Variants in ZNF804B observed in about 807,000 individuals in gnomAD.
The protein encoded by ZNF804B is zinc finger 804B.
ZNF804B carries 80 observed loss-of-function variants against 101.4 expected under a neutral mutation model. The observed-to-expected ratio is 0.79, with a 90% CI of 0.66 to 0.95. The LOEUF is 0.95. Among genes scored for constraint, ZNF804B ranks in the 40% least tolerant of loss-of-function variants. The probability of loss-of-function intolerance (pLI) is 0.00; values close to 1 mark genes in which losing one functional copy is unlikely to be tolerated. For missense variants in ZNF804B, 1,673 were observed against 1,561.9 expected (o/e 1.07, Z -1.20); for synonymous variants, 622 against 558.8 (o/e 1.11, Z -1.59).
intron 1 of ZNF804B, among the ~76,000 whole-genome samples, chr7:88,930,809 T>C (rs1414935355): frequency 2.0e-5 from 3 of 151,898 alleles, no homozygotes; most frequent in Non-Finnish European, 4.4e-5. Flanking sequence ...CTTACCAACA[T>C]GCAGAATCAT....
chr7:88,970,946 T>TA lies in ZNF804B; in HGVS notation c.108+210863dup, dbSNP rs553662303. ...AACAAACCTGCATGTTGTGCACATG[T>TA]ACCCTAAAACTTAAAGTATAATAAT... On this transcript the variant is annotated intron_variant, in intron 1 of 3. Transcript: ENST00000333190. Among the ~76,000 whole-genome samples the TA allele has an allele frequency of 1.5e-4, 23 of 149,510 alleles. No homozygotes were observed. In the South Asian group the frequency reaches 4.6e-3, roughly 30 times the overall value.
At chr7:88,948,482 G>C (rs1365170487) in intron 1 of ZNF804B, among the ~76,000 whole-genome samples, 1 of 151,592 alleles carries the variant, frequency 6.6e-6, no homozygotes, top group Non-Finnish European at 1.5e-5. Context: ...CCTGGTAACT[G>C]ACCTAGATTT....
At chr7:88,798,928 T>G (rs765552901) in intron 1 of ZNF804B, among the ~76,000 whole-genome samples, 1 of 152,108 alleles carries the variant, frequency 6.6e-6, no homozygotes, top group African/African-American at 2.4e-5. Context: ...ATTTGTGTTA[T>G]TCTACCCAGA....
rs374898301 is a variant in ZNF804B, at chr7:89,216,643, C to T, written c.109-1512C>T. 2.0e-5 allele frequency among the ~76,000 whole-genome samples: 3 copies of T among 152,200 alleles called. No individual in the cohort carries two copies. In the South Asian group the frequency reaches 6.2e-4, roughly 32 times the overall value. Reference sequence around the variant, plus strand: ...GTGCTGTTAGTTAATGGTATCATTCCCTTCTTTCTTTTTGCCATGTGTTTT... The same window carrying T: ...GTGCTGTTAGTTAATGGTATCATTCTCTTCTTTCTTTTTGCCATGTGTTTT... On this transcript the variant is annotated intron_variant, in intron 1 of 3. Transcript: ENST00000333190.
chr7:89,300,870 G>A (rs1328292639), intron 2 of ZNF804B, among the ~76,000 whole-genome samples: 2 of 151,756 alleles, frequency 1.3e-5, no homozygotes, highest in African/African-American at 4.8e-5. Flanking sequence ...TAGAAGTGGA[G>A]GAGGGTGAAA....
chr7:89,017,809 T>A (rs1788594166), intron 1 of ZNF804B, among the ~76,000 whole-genome samples: 1 of 152,178 alleles, frequency 6.6e-6, no homozygotes, highest in Non-Finnish European at 1.5e-5. Flanking sequence ...AGTTTTTATT[T>A]CAGCTAGTTC....
intron 1 of ZNF804B, among the ~76,000 whole-genome samples, chr7:88,958,025 A>G (rs988139880): frequency 6.6e-6 from 1 of 151,298 alleles, no homozygotes; most frequent in African/African-American, 2.4e-5. Flanking sequence ...TTAATGGCAG[A>G]TTGTACCTCA....
At chr7:88,786,891 A>C (rs1790310051) in intron 1 of ZNF804B, among the ~76,000 whole-genome samples, 1 of 152,168 alleles carries the variant, frequency 6.6e-6, no homozygotes, top group Non-Finnish European at 1.5e-5. Context: ...GACACTAAAT[A>C]TACAAATGAA....
chr7:89,265,425 A>G (rs1480240221), intron 2 of ZNF804B, among the ~76,000 whole-genome samples: 1 of 152,230 alleles, frequency 6.6e-6, no homozygotes, highest in Non-Finnish European at 1.5e-5. Context: ...GTCAAGTGGA[A>G]CTTAGGGGAT....
chr7:89,306,227 C>T (rs561241799), intron 2 of ZNF804B, among the ~76,000 whole-genome samples: 29 of 151,890 alleles, frequency 1.9e-4, no homozygotes, highest in Admixed American at 7.2e-4. Flanking sequence ...ATCATATTAA[C>T]GAAATATCTT....
intron 1 of ZNF804B, among the ~76,000 whole-genome samples, chr7:89,078,002 T>C (rs1789638732): frequency 6.6e-6 from 1 of 152,070 alleles, no homozygotes; most frequent in Non-Finnish European, 1.5e-5. Flanking sequence ...AATACATAAA[T>C]AAGGCTAATA....
At chr7:89,090,039 A>T (rs916547763) in intron 1 of ZNF804B, among the ~76,000 whole-genome samples, 1 of 152,102 alleles carries the variant, frequency 6.6e-6, no homozygotes, top group Non-Finnish European at 1.5e-5. Context: ...GGCCATTACA[A>T]CTGTGAAACA....
intron 2 of ZNF804B, among the ~76,000 whole-genome samples, chr7:89,300,925 A>C (rs796077938): frequency 2.0e-5 from 3 of 151,906 alleles, no homozygotes; most frequent in African/African-American, 7.2e-5. Flanking sequence ...AGTAGGTGGC[A>C]TCCAGGAAGA....
chr7:89,322,169 C>T (rs1002702873), intron 2 of ZNF804B, among the ~76,000 whole-genome samples: 4 of 152,028 alleles, frequency 2.6e-5, no homozygotes, highest in African/African-American at 9.7e-5. Context: ...CACAAATTTC[C>T]GTAAGGTAAT....
intron 1 of ZNF804B, among the ~76,000 whole-genome samples, chr7:89,089,516 A>G (rs1017108900): frequency 6.6e-6 from 1 of 152,096 alleles, no homozygotes; most frequent in Non-Finnish European, 1.5e-5. Context: ...AATTTAACTC[A>G]ACCACTTTAA....
At chr7:89,068,408 T>C (rs1459474023) in intron 1 of ZNF804B, among the ~76,000 whole-genome samples, 1 of 152,114 alleles carries the variant, frequency 6.6e-6, no homozygotes, top group Non-Finnish European at 1.5e-5. Context: ...AAACCAAATA[T>C]CTGCATAAAG....
intron 1 of ZNF804B, chr7:88,794,896 G>C: frequency 6.2e-7 from 1 of 1,608,782 alleles, no homozygotes; most frequent in Non-Finnish European, 8.5e-7. Flanking sequence ...AGGTTCCAGT[G>C]GCAAAGGCCT....
chr7:88,902,108 T>C (rs1554345126), intron 1 of ZNF804B, among the ~76,000 whole-genome samples: 6 of 151,966 alleles, frequency 3.9e-5, no homozygotes, highest in Non-Finnish European at 8.8e-5. Flanking sequence ...CTAAACCCGA[T>C]ACACTTTCTC....
intron 3 of ZNF804B, among the ~76,000 whole-genome samples, chr7:89,330,124 TAAAG>T (rs1268713701): frequency 4.0e-5 from 6 of 151,608 alleles, no homozygotes; most frequent in Non-Finnish European, 7.4e-5. Flanking sequence ...TTTTCAAAAC[TAAAG>T]AAAGTTCCAA....
Sources: allele counts gnomAD v4.1 joint callset (sites outside exome capture counted in the v4.1 genomes callset), GRCh38; gene constraint gnomAD v4.1.1; transcripts MANE v1.5; gene names NCBI Gene and HGNC (gene_info 2026-07-23, HGNC 2026-07-21).